NRXN1: variants seen among roughly 807,000 people sequenced by gnomAD.
NRXN1 encodes the protein neurexin 1.
A neutral mutation model predicts 150.9 loss-of-function variants in NRXN1; 39 were observed. The observed-to-expected ratio is 0.26, with a 90% CI of 0.20 to 0.34. NRXN1 has a LOEUF of 0.34. Among genes scored for constraint, NRXN1 ranks in the 10% least tolerant of loss-of-function variants. The pLI, the probability that NRXN1 is intolerant of heterozygous loss-of-function variation, is 1.00. For synonymous variants in NRXN1, 924 were observed against 757.0 expected, an observed-to-expected ratio of 1.22 and a Z score of -3.62; for missense variants, 1,815 against 1,949.9, an observed-to-expected ratio of 0.93 and a Z score of 1.30.
chr2:50,132,675 A>G (rs1047136294), intron 18 of NRXN1, among the ~76,000 whole-genome samples: 3 of 151,972 alleles, frequency 2.0e-5, no homozygotes, highest in Non-Finnish European at 4.4e-5. Context: ...CTTCTTGGCC[A>G]TGTATTGCTT....
intron 17 of NRXN1, among the ~76,000 whole-genome samples, chr2:50,327,851 G>C (rs2076491815): frequency 6.6e-6 from 1 of 151,976 alleles, no homozygotes; most frequent in Admixed American, 6.6e-5. Context: ...GGTTTCACCA[G>C]GTTGGCCAGG....
chr2:50,686,249 C>A lies in NRXN1; in HGVS notation c.833-62634G>T, dbSNP rs141743661. Reference sequence around the variant, plus strand: ...AGTGTTTTATTTGGCAAACATAGTACATTTTTAAAAATGAAGTTATTATCC... The same window carrying A: ...AGTGTTTTATTTGGCAAACATAGTAAATTTTTAAAAATGAAGTTATTATCC... On this transcript the variant is annotated intron_variant, in intron 5 of 22. Coordinates refer to ENST00000401669, the MANE Select transcript of NRXN1 (RefSeq NM_001330078.2). Among the ~76,000 whole-genome samples the A allele has an allele frequency of 2.0e-4, 30 of 152,158 alleles. No individual in the cohort carries two copies. The East Asian group carries it at 5.6e-3, about 28-fold the overall frequency.
chr2:50,527,147 G>C (rs1471980639), intron 12 of NRXN1, among the ~76,000 whole-genome samples: 1 of 152,166 alleles, frequency 6.6e-6, no homozygotes, highest in Non-Finnish European at 1.5e-5. Context: ...ACATAAGGTA[G>C]AGGTCTAGAA....
chr2:50,367,330 C>A (rs1486660192), intron 17 of NRXN1, among the ~76,000 whole-genome samples: 1 of 152,006 alleles, frequency 6.6e-6, no homozygotes, highest in East Asian at 1.9e-4. Flanking sequence ...AATGAAGACA[C>A]ACTTTCAACC....
At chr2:50,496,223 TA>T in intron 14 of NRXN1, 128 bp from the exon 15 acceptor site, 1 of 625,030 alleles carries the variant, frequency 1.6e-6, no homozygotes, top group Non-Finnish European at 2.7e-6. Context: ...GACAATAAGT[TA>T]CATAGAAACT....
chr2:50,870,116 A>G (rs1677547195), intron 5 of NRXN1, among the ~76,000 whole-genome samples: 1 of 151,888 alleles, frequency 6.6e-6, no homozygotes, highest in Non-Finnish European at 1.5e-5. Context: ...TTCTACTCAG[A>G]GAAATCTGTG....
intron 12 of NRXN1, among the ~76,000 whole-genome samples, chr2:50,519,951 G>C (rs1338505074): frequency 6.6e-6 from 1 of 151,820 alleles, no homozygotes; most frequent in Non-Finnish European, 1.5e-5. Context: ...TAAAAATATT[G>C]TATGTTTTAA....
intron 2 of NRXN1, among the ~76,000 whole-genome samples, chr2:51,021,164 A>G (rs1575249619): frequency 1.3e-5 from 2 of 152,048 alleles, no homozygotes; most frequent in East Asian, 3.9e-4. Flanking sequence ...AACTTTAAAA[A>G]ATATAAAAAT....
chr2:50,545,521 G>C (rs968018272), intron 9 of NRXN1, among the ~76,000 whole-genome samples: 19 of 152,162 alleles, frequency 1.2e-4, no homozygotes, highest in African/African-American at 4.6e-4. Context: ...AGATTTGGTA[G>C]ATTTTCAGAG....
intron 21 of NRXN1, among the ~76,000 whole-genome samples, chr2:50,051,988 T>C (rs2152622922): frequency 6.6e-6 from 1 of 152,240 alleles, no homozygotes; most frequent in East Asian, 1.9e-4. Flanking sequence ...TTTGCATTTT[T>C]TGTATTTTTT....
At chr2:50,029,812 C>T (rs1688923693) in intron 21 of NRXN1, among the ~76,000 whole-genome samples, 1 of 152,148 alleles carries the variant, frequency 6.6e-6, no homozygotes, top group Admixed American at 6.6e-5. Context: ...AACTATTTGA[C>T]TAGAGGGACT....
intron 5 of NRXN1, among the ~76,000 whole-genome samples, chr2:50,691,874 T>G (rs974696295): frequency 6.6e-6 from 1 of 152,138 alleles, no homozygotes; most frequent in Non-Finnish European, 1.5e-5. Flanking sequence ...TATTCTAAGA[T>G]GAATACTAAG....
intron 5 of NRXN1, among the ~76,000 whole-genome samples, chr2:50,752,952 A>G (rs188681516): frequency 1.6e-3 from 247 of 152,094 alleles, no homozygotes; most frequent in African/African-American, 5.6e-3. Flanking sequence ...GATGCATTTA[A>G]TTCTAATTTA....
intron 12 of NRXN1, among the ~76,000 whole-genome samples, chr2:50,524,401 T>A (rs2092884680): frequency 6.6e-6 from 1 of 151,728 alleles, no homozygotes; most frequent in Non-Finnish European, 1.5e-5. Context: ...ACTGCTTGAA[T>A]CTGGGAGGCG....
At chr2:50,807,134 A>G (rs2105737266) in intron 5 of NRXN1, among the ~76,000 whole-genome samples, 1 of 152,260 alleles carries the variant, frequency 6.6e-6, no homozygotes, top group East Asian at 1.9e-4. Context: ...TCTCTGAATC[A>G]TATTATTCTA....
intron 5 of NRXN1, among the ~76,000 whole-genome samples, chr2:50,862,424 T>C (rs1160089839): frequency 6.6e-6 from 1 of 152,016 alleles, no homozygotes; most frequent in Non-Finnish European, 1.5e-5. Context: ...GACCCACCCT[T>C]AGCTAAGAAA....
intron 21 of NRXN1, among the ~76,000 whole-genome samples, chr2:50,002,999 G>A (rs1015252781): frequency 1.3e-5 from 2 of 152,110 alleles, no homozygotes; most frequent in African/African-American, 4.8e-5. Flanking sequence ...TCCAAAGTAT[G>A]AACCTGCTTA....
chr2:50,107,684 T>C (rs1007421937), intron 18 of NRXN1, among the ~76,000 whole-genome samples: 1 of 151,576 alleles, frequency 6.6e-6, no homozygotes, highest in Non-Finnish European at 1.5e-5. Context: ...AATAAAACTA[T>C]TACAACAATA....
At chr2:50,213,938 T>C (rs1352580292) in intron 18 of NRXN1, among the ~76,000 whole-genome samples, 1 of 151,914 alleles carries the variant, frequency 6.6e-6, no homozygotes, top group Non-Finnish European at 1.5e-5. Context: ...CATCCTAAAA[T>C]TGATTAGTTT....
Sources: gnomAD v4.1 joint callset for allele counts (sites outside exome capture counted in the v4.1 genomes callset) on GRCh38, gnomAD v4.1.1 for gene constraint, MANE v1.5 for transcripts, NCBI Gene and HGNC (gene_info 2026-07-23, HGNC 2026-07-21) for gene names.